Variants in RASAL2 observed in about 807,000 individuals in gnomAD.
RASAL2 encodes RAS protein activator like 2.
Under a neutral mutation model 128.9 loss-of-function variants are expected in RASAL2, and 58 were observed. That is an observed-to-expected ratio of 0.45 (90% CI 0.36 to 0.56). RASAL2 has a LOEUF of 0.56. Among genes scored for constraint, RASAL2 ranks in the 20% least tolerant of loss-of-function variants. The probability of loss-of-function intolerance (pLI) is 0.00; values close to 1 mark genes in which losing one functional copy is unlikely to be tolerated. For missense variants in RASAL2, 1,360 were observed against 1,601.6 expected, an observed-to-expected ratio of 0.85 and a Z score of 2.57; for synonymous variants, 561 against 580.8, an observed-to-expected ratio of 0.97 and a Z score of 0.49.
chr1:178,353,277 C>T (rs1271188816), intron 3 of RASAL2, among the ~76,000 whole-genome samples: 1 of 152,216 alleles, frequency 6.6e-6, no homozygotes, highest in African/African-American at 2.4e-5. Flanking sequence ...TTAGAAGCAG[C>T]CAGGCTACAT....
Position 178,473,123 on chromosome 1 carries a change from G to A in RASAL2, c.3727G>A (p.Ala1243Thr), listed in dbSNP as rs375596861. ...LDSANTRLMS[A>T]LTQVKERYSM... Reference sequence around the variant, plus strand: ...TTCAGCCAACACCAGACTGATGAGCGCGCTGACCCAAGTGAAGGAGCGGTA... The same window carrying A: ...TTCAGCCAACACCAGACTGATGAGCACGCTGACCCAAGTGAAGGAGCGGTA... Residue 1243 changes from alanine (A) to threonine (T), a missense_variant, in exon 18 of 18, where the codon GCG becomes ACG. Ala to Thr is a moderately conservative substitution (Grantham distance 58). Transcript: ENST00000367649. 3.4e-5 allele frequency: 55 copies of A among 1,614,032 alleles called. No homozygotes were observed. Among genetic ancestry groups the A allele is most frequent in the Non-Finnish European group, 4.3e-5 (51 of 1,180,036 alleles).
intron 1 of RASAL2, among the ~76,000 whole-genome samples, chr1:178,196,017 A>G (rs1446343469): frequency 6.6e-6 from 1 of 152,142 alleles, no homozygotes; most frequent in Non-Finnish European, 1.5e-5. Flanking sequence ...TAAAAATTCC[A>G]TATCTCATAA....
chr1:178,258,978 T>G lies in RASAL2; in HGVS notation c.203-24586T>G, dbSNP rs537578515. Among the ~76,000 whole-genome samples the G allele has an allele frequency of 1.6e-4, 24 of 152,270 alleles. No individual in the cohort carries two copies. In the South Asian group the frequency reaches 4.8e-3, roughly 30 times the overall value. Reference sequence around the variant, plus strand: ...CTAAACACGAATCTTGATTATATTATGTTAAGTGAAAGACCACACATATTA... The same window carrying G: ...CTAAACACGAATCTTGATTATATTAGGTTAAGTGAAAGACCACACATATTA... On this transcript the variant is annotated intron_variant, in intron 1 of 17. Coordinates refer to ENST00000367649, the MANE Select transcript of RASAL2 (RefSeq NM_170692.4).
chr1:178,271,070 A>G (rs952085934), intron 1 of RASAL2, among the ~76,000 whole-genome samples: 1 of 152,094 alleles, frequency 6.6e-6, no homozygotes, highest in Non-Finnish European at 1.5e-5. Context: ...CTGGGTTGGG[A>G]AGGGACATTT....
chr1:178,306,669 T>C (rs886814840), intron 3 of RASAL2, among the ~76,000 whole-genome samples: 4 of 152,102 alleles, frequency 2.6e-5, no homozygotes, highest in Non-Finnish European at 4.4e-5. Flanking sequence ...CATTTTTTCA[T>C]GTGTTTTTTG....
intron 1 of RASAL2, among the ~76,000 whole-genome samples, chr1:178,144,658 A>G (rs1660657518): frequency 6.6e-6 from 1 of 152,210 alleles, no homozygotes; most frequent in Non-Finnish European, 1.5e-5. Context: ...TTGTAGAGGA[A>G]CTATTAAATG....
chr1:178,336,451 A>T (rs1277638578), intron 3 of RASAL2, among the ~76,000 whole-genome samples: 1 of 152,130 alleles, frequency 6.6e-6, no homozygotes, highest in Non-Finnish European at 1.5e-5. Flanking sequence ...AAACGAAGGC[A>T]AAACCAAATG....
At chr1:178,162,309 AATGTAT>A in intron 1 of RASAL2, among the ~76,000 whole-genome samples, 1 of 116,524 alleles carries the variant, frequency 8.6e-6, no homozygotes, top group Non-Finnish European at 1.7e-5. Context: ...ATATATATAT[AATGTAT>A]TATATATTAT....
At chr1:178,389,178 C>G in intron 3 of RASAL2, 1 of 626,562 alleles carries the variant, frequency 1.6e-6, no homozygotes, top group Non-Finnish European at 2.0e-6. Flanking sequence ...TGGAAGATAA[C>G]ACAGAATACT....
chr1:178,339,225 C>T (rs992370034), intron 3 of RASAL2, among the ~76,000 whole-genome samples: 9 of 152,108 alleles, frequency 5.9e-5, no homozygotes, highest in Admixed American at 5.2e-4. Flanking sequence ...AATTAAATAC[C>T]AAGGAAAGAT....
intron 1 of RASAL2, among the ~76,000 whole-genome samples, chr1:178,184,666 G>GT (rs1295852782): frequency 6.6e-6 from 1 of 151,870 alleles, no homozygotes; most frequent in Non-Finnish European, 1.5e-5. Flanking sequence ...TCTCTATTCT[G>GT]TTTCATTGCT....
At chr1:178,353,535 A>C (rs1483443007) in intron 3 of RASAL2, among the ~76,000 whole-genome samples, 3 of 152,198 alleles carry the variant, frequency 2.0e-5, no homozygotes, top group Non-Finnish European at 4.4e-5. Flanking sequence ...ACCAGTCTCT[A>C]GGGAGTTCCA....
chr1:178,381,891 A>G (rs1672306742), intron 3 of RASAL2, among the ~76,000 whole-genome samples: 1 of 152,170 alleles, frequency 6.6e-6, no homozygotes, highest in Non-Finnish European at 1.5e-5. Flanking sequence ...GTAGATTAGA[A>G]GAGATAGTTG....
At chr1:178,376,380 T>G (rs573080011) in intron 3 of RASAL2, among the ~76,000 whole-genome samples, 13 of 152,248 alleles carry the variant, frequency 8.5e-5, no homozygotes, top group African/African-American at 3.1e-4. Flanking sequence ...GACAGAAACA[T>G]GTACCCTGTT....
intron 3 of RASAL2, among the ~76,000 whole-genome samples, chr1:178,382,672 T>C (rs990496603): frequency 3.3e-5 from 5 of 152,182 alleles, no homozygotes; most frequent in African/African-American, 9.6e-5. Context: ...ATGTAACTTA[T>C]GTAAAACATG....
At chr1:178,264,269 G>A (rs1040908262) in intron 1 of RASAL2, among the ~76,000 whole-genome samples, 2 of 152,166 alleles carry the variant, frequency 1.3e-5, no homozygotes, top group African/African-American at 4.8e-5. Context: ...GGCATCCATT[G>A]TCAACTCTTT....
chr1:178,311,784 C>G (rs1321865891), intron 3 of RASAL2, among the ~76,000 whole-genome samples: 1 of 151,254 alleles, frequency 6.6e-6, no homozygotes, highest in Non-Finnish European at 1.5e-5. Context: ...TAGTGGACAT[C>G]TGAAGAAAAG....
At chr1:178,209,699 CAT>C (rs1663186755) in intron 1 of RASAL2, among the ~76,000 whole-genome samples, 1 of 151,914 alleles carries the variant, frequency 6.6e-6, no homozygotes, top group Admixed American at 6.6e-5. Flanking sequence ...CTCTCTCTCT[CAT>C]ATGATAACAT....
intron 1 of RASAL2, among the ~76,000 whole-genome samples, chr1:178,164,394 A>G (rs1177569687): frequency 6.6e-6 from 1 of 152,064 alleles, no homozygotes; most frequent in Non-Finnish European, 1.5e-5. Flanking sequence ...AAAGCTGGTT[A>G]TTCCAAATGG....
Sources: gnomAD v4.1 joint callset for allele counts (sites outside exome capture counted in the v4.1 genomes callset) on GRCh38, gnomAD v4.1.1 for gene constraint, MANE v1.5 for transcripts, NCBI Gene and HGNC (gene_info 2026-07-23, HGNC 2026-07-21) for gene names.